The following SLC9A3 variants were observed in gnomAD, a reference collection of about 807,000 sequenced individuals.
SLC9A3 encodes solute carrier family 9 member A3, also known as sodium/hydrogen exchanger 3.
A neutral mutation model predicts 86.8 loss-of-function variants in SLC9A3; 37 were observed. That is an observed-to-expected ratio of 0.43 (90% CI 0.33 to 0.56). SLC9A3 has a LOEUF of 0.56. Ranked by LOEUF, SLC9A3 falls within the 20% of genes least tolerant of loss-of-function variation. The pLI is 0.06. For synonymous variants in SLC9A3, 581 were observed against 528.3 expected (o/e 1.10, Z -1.37); for missense variants, 1,011 against 1,171.9 (o/e 0.86, Z 2.00).
intron 10 of SLC9A3, 36 bp from the exon 11 acceptor site, chr5:477,480 C>T (rs1305159034): frequency 2.7e-6 from 4 of 1,485,070 alleles, no homozygotes; most frequent in Non-Finnish European, 3.7e-6. Context: ...GTGGCCTGAG[C>T]AGCCAAGCCC....
Position 470,831 on chromosome 5 carries a change from A to G in SLC9A3, c.*2548T>C, listed in dbSNP as rs1441323403. 1 of 152,392 alleles carries G rather than the reference A, an allele frequency of 6.6e-6. No homozygotes were observed. The highest frequency in any genetic ancestry group is 2.4e-5 in the African/African-American group (1 of 41,468). 9.4% of individuals were successfully genotyped at this position (152,392 alleles called of 1,614,324 possible). On this transcript the variant is annotated 3_prime_UTR_variant, in exon 17 of 17. Coordinates refer to ENST00000264938, the MANE Select transcript of SLC9A3 (RefSeq NM_004174.4). ...AAATAGTGATTTCCTCAATTTGTTT[A>G]TAGTCTATCACAAAGTAGGCCAAAG...
At chr5:504,988 G>A (rs1389136645) in intron 1 of SLC9A3, among the ~76,000 whole-genome samples, 2 of 151,850 alleles carry the variant, frequency 1.3e-5, no homozygotes, top group Non-Finnish European at 2.9e-5. Context: ...AGAAGCAGGG[G>A]CCAGCAGCTG....
intron 1 of SLC9A3, among the ~76,000 whole-genome samples, chr5:492,282 G>GCAGAGCCC: frequency 1.1e-5 from 1 of 88,610 alleles, no homozygotes; most frequent in South Asian, 4.1e-4. Flanking sequence ...GGAGGTCGGG[G>GCAGAGCCC]TGGGACCCGT....
At position 492,945 on chromosome 5, in the gene SLC9A3, C is replaced by T. The variant is rs74566490; in HGVS notation, c.212-874G>A. ...CTGGGTCCCGCCACTCCACTCCGCA[C>T]GGGTGAGCTTAAGGGTGGACAGCAG... is the stretch of plus-strand genomic sequence containing the variant. On this transcript the variant is annotated intron_variant, in intron 1 of 16. Coordinates refer to ENST00000264938, the MANE Select transcript of SLC9A3 (RefSeq NM_004174.4). Among the ~76,000 whole-genome samples the T allele has an allele frequency of 7.0e-3, 1,069 of 152,268 alleles. 5 individuals are homozygous for T. Among genetic ancestry groups the T allele is most frequent in the Non-Finnish European group, 0.011 (759 of 68,002 alleles).
At chr5:506,668 A>T (rs1740595558) in intron 1 of SLC9A3, among the ~76,000 whole-genome samples, 1 of 152,216 alleles carries the variant, frequency 6.6e-6, no homozygotes, top group South Asian at 2.1e-4. Flanking sequence ...TTTTCTGGGC[A>T]GTTGTAAAGA....
At chr5:513,174 C>G (rs1307881361) in intron 1 of SLC9A3, among the ~76,000 whole-genome samples, 2 of 152,112 alleles carry the variant, frequency 1.3e-5, no homozygotes, top group African/African-American at 4.8e-5. Context: ...CCAGCTGCTG[C>G]AGACTCCAGC....
At position 486,607 on chromosome 5, in the gene SLC9A3, C is replaced by G. The variant is rs1322825271; in HGVS notation, c.676-1376G>C. 2.0e-5 allele frequency among the ~76,000 whole-genome samples: 3 copies of G among 152,196 alleles called. No individual in the cohort carries two copies. In the East Asian group the frequency reaches 5.8e-4, roughly 29 times the overall value. Reference sequence around the variant, plus strand: ...ACCAGTTCAGTTTCCCTCCCTTCACCTCTGTCATGGGCCAAATTGTGCCCC... The same window carrying G: ...ACCAGTTCAGTTTCCCTCCCTTCACGTCTGTCATGGGCCAAATTGTGCCCC... On this transcript the variant is annotated intron_variant, in intron 3 of 16. Coordinates refer to ENST00000264938, the MANE Select transcript of SLC9A3 (RefSeq NM_004174.4).
At chr5:513,613 T>C (rs773086134) in intron 1 of SLC9A3, among the ~76,000 whole-genome samples, 7 of 151,974 alleles carry the variant, frequency 4.6e-5, no homozygotes, top group Admixed American at 1.3e-4. Flanking sequence ...TGAGACACAG[T>C]GGATGCTGAG....
At chr5:512,289 C>G (rs866128975) in intron 1 of SLC9A3, among the ~76,000 whole-genome samples, 4 of 136,986 alleles carry the variant, frequency 2.9e-5, no homozygotes, top group South Asian at 2.4e-4. Flanking sequence ...AGAACGAGCC[C>G]TAACGTAAAC....
At chr5:516,660 G>A (rs748382553) in intron 1 of SLC9A3, among the ~76,000 whole-genome samples, 8 of 152,220 alleles carry the variant, frequency 5.3e-5, no homozygotes, top group Middle Eastern at 3.2e-3. Context: ...CCAGGTGAGC[G>A]TGGTTTCTCT....
At position 473,307 on chromosome 5, in the gene SLC9A3, ACAGCGG is replaced by A; in HGVS notation, c.*66_*71del. On this transcript the variant is annotated 3_prime_UTR_variant, in exon 17 of 17. Coordinates refer to ENST00000264938, the MANE Select transcript of SLC9A3 (RefSeq NM_004174.4). ...CGCGGGGATCTGGGGTTTCTCTGGG[ACAGCGG>A]CGGCGGCGGTGGGCGGACCGTGGCG... 2 of 1,364,112 alleles carry A rather than the reference ACAGCGG, an allele frequency of 1.5e-6. No homozygotes were observed. The highest frequency in any genetic ancestry group is 3.4e-5 in the South Asian group (2 of 59,534). The allele number at this position is 1,364,112 out of a possible 1,614,324, so 84.5% of individuals were successfully genotyped here.
At chr5:507,155 G>GGCT (rs1244021452) in intron 1 of SLC9A3, among the ~76,000 whole-genome samples, 2 of 93,926 alleles carry the variant, frequency 2.1e-5, no homozygotes, top group Non-Finnish European at 4.4e-5. Context: ...GGAGGGATCC[G>GGCT]GCTGCTGCTT....
In SLC9A3 at chr5:479,854, G is replaced by A; in HGVS notation, c.1629C>T (p.Ala543=). ...CTGCTACCTCAGCCACGTAGCTGAT[G>A]GCATCCTTCAGGTTCAGCTCGTGGA... is the stretch of plus-strand genomic sequence containing the variant. The part of the protein sequence containing the change: ...NVFHELNLKD[A]ISYVAEGERR... The change falls in exon 10 of 17, where the codon GCC becomes GCT. Residue 543 remains alanine (A), a synonymous_variant. Transcript: ENST00000264938. 6.2e-7 allele frequency: 1 copy of A among 1,613,686 alleles called. No individual in the cohort carries two copies.
At position 481,611 on chromosome 5, in the gene SLC9A3, T is replaced by C. The variant is rs768900330; in HGVS notation, c.1471A>G (p.Ile491Val). 8.7e-6 allele frequency: 14 copies of C among 1,613,940 alleles called. No homozygotes were observed. Among genetic ancestry groups the C allele is most frequent in the Admixed American group, 8.3e-5 (5 of 60,006 alleles). Residue 491 changes from isoleucine (I) to valine (V), a missense_variant, in exon 9 of 17, where the codon ATC (isoleucine) becomes GTC (valine). Transcript: ENST00000264938. ...GRAFDHILSA[I>V]EDISGQIGHN... ...CCGATCTGTCCGGATATGTCCTCGA[T>C]GGCCGAGAGGATGTGGTCGAAAGCC...
intron 10 of SLC9A3, chr5:479,518 A>G: frequency 3.0e-6 from 1 of 332,920 alleles, no homozygotes; most frequent in South Asian, 2.7e-5. Flanking sequence ...TATTGGGACC[A>G]GGTCCCGTAA....
chr5:482,485 G>A (rs772937591), intron 7 of SLC9A3, 63 bp downstream of exon 7: 314 of 1,358,288 alleles, frequency 2.3e-4, no homozygotes, highest in Middle Eastern at 2.0e-3. Flanking sequence ...GTCCTGAAGT[G>A]CGGGCCCAGG....
chr5:491,742 G>A lies in SLC9A3; in HGVS notation c.514+27C>T. The stretch of plus-strand genomic sequence containing the variant: ...CCTCCCGGACCCCACCCTGATCCCG[G>A]CCGGGGCAACAGTGGCGCAGACTCA... On this transcript the variant is annotated intron_variant, in intron 2 of 16. Transcript: ENST00000264938. This position sits in a 1 kb window ranked among gnomAD's most constrained non-coding sequence, Gnocchi z 9.2. The A allele has an allele frequency of 6.7e-7, 1 of 1,488,710 alleles. No individual in the cohort carries two copies. Among genetic ancestry groups the A allele is most frequent in the Non-Finnish European group, 9.0e-7 (1 of 1,108,738 alleles). 92.2% of individuals were successfully genotyped at this position (1,488,710 alleles called of 1,614,324 possible).
chr5:514,809 C>T (rs1285550658), intron 1 of SLC9A3, among the ~76,000 whole-genome samples: 2 of 152,248 alleles, frequency 1.3e-5, no homozygotes, highest in African/African-American at 4.8e-5. Context: ...TTTGGCATGA[C>T]AGCTCAGCAG....
In SLC9A3 at chr5:520,803, TCCCACCCCAGGGCC is replaced by T. The variant is rs534103638; in HGVS notation, c.211+3295_211+3308del. Among the ~76,000 whole-genome samples, 116 of 151,948 alleles carry T rather than the reference TCCCACCCCAGGGCC, an allele frequency of 7.6e-4. 1 individual carries two copies. The highest frequency in any genetic ancestry group is 2.7e-3 in the African/African-American group (113 of 41,448). ...GTCCTGACACCTGCCACTGCCTGGA[TCCCACCCCAGGGCC>T]CCCACCCAGTGCTGCCAGGCCTGGC... On this transcript the variant is annotated intron_variant, in intron 1 of 16. Transcript: ENST00000264938.
Sources: gnomAD v4.1 joint callset for allele counts (sites outside exome capture counted in the v4.1 genomes callset) on GRCh38, gnomAD v4.1.1 for gene constraint, Gnocchi (gnomAD v3.1) non-coding constraint, MANE v1.5 for transcripts, NCBI Gene and HGNC (gene_info 2026-07-23, HGNC 2026-07-21) for gene names.